The following VGLL4 variants were observed in gnomAD, a reference collection of about 807,000 sequenced individuals.
VGLL4 encodes transcription cofactor vestigial-like protein 4.
VGLL4 carries 7 observed loss-of-function variants against 21.0 expected under a neutral mutation model. That is an observed-to-expected ratio of 0.33 (90% CI 0.19 to 0.63). The LOEUF (loss-of-function observed/expected upper bound fraction) is 0.63, where lower values mean the gene tolerates loss of function less well. Among genes scored for constraint, VGLL4 ranks in the 20% least tolerant of loss-of-function variants. The pLI is 0.78. For missense variants in VGLL4, 394 were observed against 425.7 expected (o/e 0.93, Z 0.66); for synonymous variants, 222 against 173.2 (o/e 1.28, Z -2.21).
intron 2 of VGLL4, among the ~76,000 whole-genome samples, chr3:11,590,444 A>T (rs910999285): frequency 6.6e-6 from 1 of 152,140 alleles, no homozygotes; most frequent in African/African-American, 2.4e-5. Context: ...GAAAGGCAAG[A>T]GGTAGTATAA....
At chr3:11,570,112 G>A (rs1229320004) in intron 2 of VGLL4, among the ~76,000 whole-genome samples, 1 of 152,082 alleles carries the variant, frequency 6.6e-6, no homozygotes, top group Non-Finnish European at 1.5e-5. Flanking sequence ...GGGCAGGTCA[G>A]CACCATCCCA....
At chr3:11,632,947 C>T (rs557467350) in intron 1 of VGLL4, among the ~76,000 whole-genome samples, 3 of 152,274 alleles carry the variant, frequency 2.0e-5, no homozygotes, top group African/African-American at 7.2e-5. Flanking sequence ...GAAAGCAAGA[C>T]GAACAAGGGC....
At chr3:11,572,290 G>A (rs777648864) in intron 2 of VGLL4, among the ~76,000 whole-genome samples, 19 of 152,174 alleles carry the variant, frequency 1.2e-4, no homozygotes, top group Non-Finnish European at 2.6e-4. Flanking sequence ...GCTTGAGAGA[G>A]GCTAAGTAAC....
chr3:11,559,152 G>A (rs2072727480), intron 4 of VGLL4, among the ~76,000 whole-genome samples, 180 bp downstream of exon 4: 1 of 152,192 alleles, frequency 6.6e-6, no homozygotes, highest in Admixed American at 6.5e-5. Context: ...TGTTTCTCAT[G>A]CCCTTCCCAC....
chr3:11,691,055 C>T (rs6442276), intron 2 of VGLL4, among the ~76,000 whole-genome samples: 8,472 of 151,616 alleles, frequency 0.056, 281 homozygotes, highest in Middle Eastern at 0.097. Context: ...TAATGATAGA[C>T]GTAGAAGATG....
At chr3:11,594,630 T>G (rs900464137) in intron 2 of VGLL4, among the ~76,000 whole-genome samples, 2 of 152,238 alleles carry the variant, frequency 1.3e-5, no homozygotes, top group African/African-American at 4.8e-5. Context: ...ACTGTTACAC[T>G]GCACCCACTG....
chr3:11,564,842 C>T lies in VGLL4; in HGVS notation c.450G>A (p.Arg150=). Residue 150 remains arginine, a synonymous_variant, in exon 3 of 5, where the codon AGG becomes AGA. Transcript: ENST00000430365. ...ALTKNSLDAS[R]PAGLSPTLTP... The stretch of plus-strand genomic sequence containing the variant: ...TCAGTGTGGGCGAGAGGCCGGCTGG[C>T]CTGCTGGCGTCCAGGCTGTTCTTGG... 6 of 1,601,184 alleles carry T rather than the reference C, an allele frequency of 3.7e-6. No homozygotes were observed. The highest frequency in any genetic ancestry group is 1.1e-5 in the South Asian group (1 of 89,684).
chr3:11,669,530 T>C (rs1390086876), intron 2 of VGLL4, among the ~76,000 whole-genome samples: 1 of 152,214 alleles, frequency 6.6e-6, no homozygotes, highest in East Asian at 1.9e-4. Context: ...AGATGGGCAA[T>C]GCAACTGCTA....
chr3:11,645,015 G>A (rs957328815), upstream of VGLL4, among the ~76,000 whole-genome samples: 7 of 151,958 alleles, frequency 4.6e-5, no homozygotes, highest in African/African-American at 1.4e-4. Context: ...CCACCTGTGT[G>A]TAAGAAGCTA....
chr3:11,567,253 CAAACAA>C (rs2073580321), intron 2 of VGLL4, among the ~76,000 whole-genome samples: 1 of 152,156 alleles, frequency 6.6e-6, no homozygotes, highest in African/African-American at 2.4e-5. Context: ...AAACAGCACA[CAAACAA>C]AAACAATCAG....
rs2073422156 is a variant in VGLL4, at chr3:11,565,307, A to T, written c.273-288T>A. On this transcript the variant is annotated intron_variant, in intron 2 of 4. Coordinates refer to ENST00000430365, the MANE Select transcript of VGLL4 (RefSeq NM_001128219.3). This position sits in a 1 kb window ranked among gnomAD's most constrained non-coding sequence, Gnocchi z 4.1. ...TGACTCTGTGTTCACTTCTATAATA[A>T]TCTCCACTCCCTGGGAGCCTGGGGA... Among the ~76,000 whole-genome samples, 2 of 151,742 alleles carry T rather than the reference A, an allele frequency of 1.3e-5. No individual in the cohort carries two copies. The highest frequency in any genetic ancestry group is 4.8e-5 in the African/African-American group (2 of 41,310).
chr3:11,572,700 G>A (rs1354957587), intron 2 of VGLL4, among the ~76,000 whole-genome samples: 1 of 152,140 alleles, frequency 6.6e-6, no homozygotes, highest in East Asian at 1.9e-4. Context: ...TTGTACAACC[G>A]TGTCTTTCCC....
rs2075464733 is a variant in VGLL4, at chr3:11,631,035, G to A, written c.82+12402C>T. On this transcript the variant is annotated intron_variant, in intron 1 of 4. Coordinates refer to ENST00000430365, the MANE Select transcript of VGLL4 (RefSeq NM_001128219.3). ...AAGAGATGAGCAAATTGTGGTATACGCATAAGACGACAATGCCAAAGAACA... is the reference window on the plus strand; with the variant it reads ...AAGAGATGAGCAAATTGTGGTATACACATAAGACGACAATGCCAAAGAACA... Among the ~76,000 whole-genome samples, 3 of 152,318 alleles carry A rather than the reference G, an allele frequency of 2.0e-5. No homozygotes were observed. In the East Asian group the frequency reaches 5.8e-4, roughly 29 times the overall value.
chr3:11,690,558 C>G lies in VGLL4; in HGVS notation c.64+12413G>C, dbSNP rs536568991. Among the ~76,000 whole-genome samples, 52 of 152,104 alleles carry G rather than the reference C, an allele frequency of 3.4e-4. 1 individual carries two copies. The East Asian group carries it at 9.3e-3, about 27-fold the overall frequency. The stretch of plus-strand genomic sequence containing the variant: ...AGTGAACAGAACAGACTTTAGGCCT[C>G]TTGAATTCATTTTAAAAGTAACTAC... On this transcript the variant is annotated intron_variant, in intron 2 of 5. Transcript: ENST00000273038.
At chr3:11,702,455 C>CAA (rs56189603) in intron 2 of VGLL4, among the ~76,000 whole-genome samples, 4 of 96,138 alleles carry the variant, frequency 4.2e-5, no homozygotes, top group East Asian at 3.0e-4. Flanking sequence ...ACTAAAAATA[C>CAA]AAAAAAAAAA....
intron 3 of VGLL4, among the ~76,000 whole-genome samples, chr3:11,561,876 G>C (rs2073041087): frequency 6.7e-6 from 1 of 148,506 alleles, no homozygotes. Flanking sequence ...AACCCCCAAG[G>C]CTGGCTGCGC....
intron 2 of VGLL4, among the ~76,000 whole-genome samples, chr3:11,664,336 C>T (rs1056719491): frequency 6.6e-6 from 1 of 152,158 alleles, no homozygotes; most frequent in Non-Finnish European, 1.5e-5. Flanking sequence ...CAGTGCACTA[C>T]TTTTGGATAG....
At chr3:11,621,640 A>T (rs2075268538) in intron 1 of VGLL4, among the ~76,000 whole-genome samples, 1 of 152,242 alleles carries the variant, frequency 6.6e-6, no homozygotes, top group South Asian at 2.1e-4. Context: ...ATTTGTGGAC[A>T]GATTTTTACA....
At chr3:11,641,272 G>C (rs1211892868) in intron 1 of VGLL4, among the ~76,000 whole-genome samples, 1 of 151,960 alleles carries the variant, frequency 6.6e-6, no homozygotes, top group African/African-American at 2.4e-5. Context: ...AAATTAATTT[G>C]TCCCTTATTC....
Sources: gnomAD v4.1 joint callset for allele counts (sites outside exome capture counted in the v4.1 genomes callset) on GRCh38, gnomAD v4.1.1 for gene constraint, Gnocchi (gnomAD v3.1) non-coding constraint, MANE v1.5 for transcripts, NCBI Gene and HGNC (gene_info 2026-07-23, HGNC 2026-07-21) for gene names.